SLC22A9: variants seen among roughly 807,000 people sequenced by gnomAD.
SLC22A9 encodes organic anion transporter 7.
In SLC22A9, 64 loss-of-function variants were observed where a neutral mutation model predicts 50.1. The ratio of observed to expected loss-of-function variants is 1.28; its 90% CI spans 1.04 to 1.57. The LOEUF (loss-of-function observed/expected upper bound fraction) is 1.57. Among genes scored for constraint, SLC22A9 ranks in the 40% most tolerant of loss-of-function variants. The pLI is 0.00. For missense variants in SLC22A9, 757 were observed against 676.1 expected, an observed-to-expected ratio of 1.12 and a Z score of -1.33; for synonymous variants, 261 against 242.5, an observed-to-expected ratio of 1.08 and a Z score of -0.71.
At chr11:63,382,301 G>T (rs372238100) in intron 6 of SLC22A9, 24 bp downstream of exon 6, 21 of 1,555,380 alleles carry the variant, frequency 1.4e-5, no homozygotes, top group Non-Finnish European at 1.8e-5. Flanking sequence ...AGTGTTTGAG[G>T]GTAAGTTACA....
rs114550244 is a variant in SLC22A9, at chr11:63,378,436, C to G, written c.954+2668C>G. Among the ~76,000 whole-genome samples, 1,108 of 152,100 alleles carry G rather than the reference C, an allele frequency of 7.3e-3. 14 individuals are homozygous for G. The highest frequency in any genetic ancestry group is 0.026 in the African/African-American group (1,066 of 41,456). ...CAAGATCATACTGAATACACAAAAC[C>G]TGGAAGCAGTCCCCTTGAGAACCAG... On this transcript the variant is annotated intron_variant, in intron 5 of 9. Transcript: ENST00000279178.
At chr11:63,400,636 A>T (rs1344041992) in intron 6 of SLC22A9, among the ~76,000 whole-genome samples, 2 of 151,830 alleles carry the variant, frequency 1.3e-5, no homozygotes, top group African/African-American at 4.8e-5. Context: ...AAAATAAAGG[A>T]GGTGGGAATA....
intron 2 of SLC22A9, among the ~76,000 whole-genome samples, chr11:63,373,135 C>CTT (rs5792283): frequency 0.019 from 2,625 of 135,040 alleles, 40 homozygotes; most frequent in Non-Finnish European, 0.027. Flanking sequence ...TTTTTTTTTT[C>CTT]TTTTTTTTTT....
intron 6 of SLC22A9, among the ~76,000 whole-genome samples, chr11:63,383,799 C>A (rs1048772110): frequency 1.4e-4 from 21 of 152,008 alleles, no homozygotes; most frequent in Admixed American, 1.4e-3. Context: ...ACCTGTAATC[C>A]CAGCACTTTG....
At chr11:63,373,130 T>A (rs1168701798) in intron 2 of SLC22A9, among the ~76,000 whole-genome samples, 2 of 100,756 alleles carry the variant, frequency 2.0e-5, no homozygotes, top group African/African-American at 6.5e-5. Flanking sequence ...TTCCTTTTTT[T>A]TTTTCTTTTT....
At chr11:63,395,098 T>A (rs988937275) in intron 6 of SLC22A9, among the ~76,000 whole-genome samples, 1 of 152,040 alleles carries the variant, frequency 6.6e-6, no homozygotes, top group African/African-American at 2.4e-5. Context: ...TTTCTTTTGC[T>A]TTTTCTTTAT....
intron 7 of SLC22A9, among the ~76,000 whole-genome samples, chr11:63,407,429 C>T (rs1416564159): frequency 6.6e-6 from 1 of 152,160 alleles, no homozygotes; most frequent in Non-Finnish European, 1.5e-5. Context: ...TCCACTCCCC[C>T]TCTTGAATGC....
intron 6 of SLC22A9, among the ~76,000 whole-genome samples, chr11:63,403,191 AAG>A (rs920795858): frequency 5.3e-5 from 8 of 152,106 alleles, no homozygotes; most frequent in South Asian, 2.1e-4. Context: ...TATCAAAGAA[AAG>A]AGAGAATTTT....
rs143461929 is a variant in SLC22A9, at chr11:63,370,321, C to T, written c.265C>T (p.Arg89Cys). ...LDSNMRPEKC[R>C]RFVHPQWQLL... The stretch of plus-strand genomic sequence containing the variant: ...CTCAAACATGAGGCCAGAGAAGTGT[C>T]GTCGCTTTGTTCATCCTCAGTGGCA... The change falls in exon 1 of 10, where the codon CGT (arginine) becomes TGT (cysteine). Residue 89 changes from arginine to cysteine, a missense_variant. Transcript: ENST00000279178. The T allele has an allele frequency of 2.5e-5, 40 of 1,613,956 alleles. No homozygotes were observed. The highest frequency in any genetic ancestry group is 2.0e-4 in the South Asian group (18 of 91,072).
chr11:63,386,997 T>C (rs992409126), intron 6 of SLC22A9, among the ~76,000 whole-genome samples: 4 of 152,118 alleles, frequency 2.6e-5, no homozygotes, highest in Non-Finnish European at 5.9e-5. Context: ...GGGTGTTGAT[T>C]TGAGATCTTT....
intron 5 of SLC22A9, among the ~76,000 whole-genome samples, chr11:63,380,962 A>G (rs2014550495): frequency 6.6e-6 from 1 of 152,104 alleles, no homozygotes; most frequent in Non-Finnish European, 1.5e-5. Flanking sequence ...TTTCCCAGGG[A>G]AAAAAAGAGA....
chr11:63,398,892 C>G (rs1315996545), intron 6 of SLC22A9, among the ~76,000 whole-genome samples: 1 of 152,190 alleles, frequency 6.6e-6, no homozygotes, highest in Non-Finnish European at 1.5e-5. Context: ...GGCTTCTACT[C>G]AGCCATCTTG....
intron 3 of SLC22A9, 22 bp from the exon 4 acceptor site, chr11:63,373,872 C>T (rs753542932): frequency 6.2e-6 from 10 of 1,611,124 alleles, no homozygotes; most frequent in Middle Eastern, 1.7e-4. Context: ...GAAGTCAAAG[C>T]CTTATCTGTT....
chr11:63,384,657 A>G (rs1294086599), intron 6 of SLC22A9, among the ~76,000 whole-genome samples: 1 of 152,200 alleles, frequency 6.6e-6, no homozygotes, highest in Non-Finnish European at 1.5e-5. Context: ...GTATATACTC[A>G]GTAATGGAAT....
At chr11:63,390,099 C>A (rs2014737962) in intron 6 of SLC22A9, among the ~76,000 whole-genome samples, 1 of 152,110 alleles carries the variant, frequency 6.6e-6, no homozygotes, top group South Asian at 2.1e-4. Context: ...GGGTAGCTTG[C>A]AAAAATTTTC....
chr11:63,397,085 AGGAGGG>A (rs2014872285), intron 6 of SLC22A9, among the ~76,000 whole-genome samples: 1 of 152,236 alleles, frequency 6.6e-6, no homozygotes, highest in African/African-American at 2.4e-5. Flanking sequence ...TATGTTCATT[AGGAGGG>A]ACCCCAAGGC....
chr11:63,382,549 G>A (rs921551260), intron 6 of SLC22A9, among the ~76,000 whole-genome samples: 3 of 152,100 alleles, frequency 2.0e-5, no homozygotes, highest in African/African-American at 7.2e-5. Context: ...ATATGCTTTG[G>A]CTTGAAGTTT....
intron 6 of SLC22A9, among the ~76,000 whole-genome samples, chr11:63,396,451 T>C (rs375054565): frequency 2.0e-5 from 3 of 152,132 alleles, no homozygotes; most frequent in Admixed American, 6.5e-5. Flanking sequence ...TCCTGCAAAG[T>C]AGACCTTCAG....
At chr11:63,387,852 A>G (rs1278681964) in intron 6 of SLC22A9, among the ~76,000 whole-genome samples, 1 of 152,004 alleles carries the variant, frequency 6.6e-6, no homozygotes, top group Non-Finnish European at 1.5e-5. Context: ...TTTTCATCAG[A>G]GGGTTTTTTC....
Sources: gnomAD v4.1 joint callset for allele counts (sites outside exome capture counted in the v4.1 genomes callset) on GRCh38, gnomAD v4.1.1 for gene constraint, MANE v1.5 for transcripts, NCBI Gene and HGNC (gene_info 2026-07-23, HGNC 2026-07-21) for gene names.